DCAF6: variants seen among roughly 807,000 people sequenced by gnomAD.
DCAF6 encodes DDB1 and CUL4 associated factor 6, also known as DDB1- and CUL4-associated factor 6.
In DCAF6, 54 loss-of-function variants were observed where a neutral mutation model predicts 125.1. The ratio of observed to expected loss-of-function variants is 0.43; its 90% CI spans 0.35 to 0.54. DCAF6 has a LOEUF of 0.54. Ranked by LOEUF, DCAF6 falls within the 20% of genes least tolerant of loss-of-function variation. The probability of loss-of-function intolerance (pLI) is 0.01; values close to 1 mark genes in which losing one functional copy is unlikely to be tolerated. For missense variants in DCAF6, 934 were observed against 1,161.7 expected, an observed-to-expected ratio of 0.80 and a Z score of 2.85; for synonymous variants, 371 against 390.4, an observed-to-expected ratio of 0.95 and a Z score of 0.58.
the DCAF6 span, chr1:167,883,309 A>AC: frequency 4.9e-6 from 5 of 1,023,992 alleles, no homozygotes; most frequent in East Asian, 1.2e-4. Flanking sequence ...AAGAGCTGGG[A>AC]TTACAGGCGT....
rs892658828 is a variant in DCAF6 at position 167,982,028 on chromosome 1, A to G, written c.439-5467A>G. On this transcript the variant is annotated intron_variant, in intron 4 of 21. Transcript: ENST00000367840. ...ATTCCTTTTTCTCTGCGGCCTCACC[A>G]GCAACTTTTGTTTCTTGACTTTTTA... Among the ~76,000 whole-genome samples the G allele has an allele frequency of 5.3e-5, 8 of 152,192 alleles. No individual in the cohort carries two copies. The South Asian group carries it at 8.3e-4, about 16-fold the overall frequency.
chr1:168,061,871 T>G (rs1691637433), intron 17 of DCAF6, among the ~76,000 whole-genome samples: 1 of 152,052 alleles, frequency 6.6e-6, no homozygotes, highest in Non-Finnish European at 1.5e-5. Flanking sequence ...AAGCAGAACA[T>G]TATGCACATA....
chr1:168,038,005 T>C (rs758680029), intron 12 of DCAF6, among the ~76,000 whole-genome samples: 6 of 152,192 alleles, frequency 3.9e-5, no homozygotes, highest in Non-Finnish European at 7.4e-5. Context: ...TTAGTTCTTA[T>C]TGATGCTCAA....
the DCAF6 span, among the ~76,000 whole-genome samples, chr1:167,873,531 C>T: frequency 6.6e-6 from 1 of 152,208 alleles, no homozygotes; most frequent in Non-Finnish European, 1.5e-5. Context: ...AAGGAAATTA[C>T]AAGTGCTACT....
chr1:167,928,647 CAT>C, the DCAF6 span, among the ~76,000 whole-genome samples: 23 of 152,296 alleles, frequency 1.5e-4, no homozygotes, highest in East Asian at 4.0e-3. Flanking sequence ...TACAATGTCA[CAT>C]GTGTCATTCT....
chr1:167,893,737 A>C, the DCAF6 span: 1 of 569,052 alleles, frequency 1.8e-6, no homozygotes, highest in Non-Finnish European at 3.2e-6. Flanking sequence ...TTTTTATTTT[A>C]ATGGAACATT....
chr1:167,917,584 C>A, the DCAF6 span: 4 of 130,656 alleles, frequency 3.1e-5, no homozygotes, highest in South Asian at 2.3e-4. Flanking sequence ...GGCCACAGAG[C>A]GAGACCCTGT....
the DCAF6 span, chr1:167,918,318 C>T: frequency 1.3e-6 from 2 of 1,564,944 alleles, no homozygotes; most frequent in African/African-American, 1.4e-5. Flanking sequence ...TGATCAGGAA[C>T]TCTTTTATTT....
the DCAF6 span, among the ~76,000 whole-genome samples, chr1:167,874,711 A>G: frequency 6.6e-6 from 1 of 152,226 alleles, no homozygotes; most frequent in Non-Finnish European, 1.5e-5. Flanking sequence ...ACTGGAAATA[A>G]CCCAAATGTT....
chr1:167,937,634 C>T (rs1671514346), intron 1 of DCAF6, among the ~76,000 whole-genome samples: 6 of 152,194 alleles, frequency 3.9e-5, no homozygotes. Context: ...TCACGTTCCT[C>T]TTCCCACCCC....
the DCAF6 span, among the ~76,000 whole-genome samples, chr1:167,907,958 G>C: frequency 5.3e-5 from 8 of 152,276 alleles, no homozygotes; most frequent in South Asian, 1.4e-3. Flanking sequence ...AGAAGACTTT[G>C]ATAAAGATAT....
At chr1:167,925,442 C>CGTATATATATATATATATATATAT in the DCAF6 span, among the ~76,000 whole-genome samples, 1 of 82,478 alleles carries the variant, frequency 1.2e-5, no homozygotes, top group African/African-American at 5.1e-5. Context: ...TACATATACA[C>CGTATATATATATATATATATATAT]ATATATATAT....
chr1:167,965,965 C>T (rs766153391), intron 2 of DCAF6, among the ~76,000 whole-genome samples: 5 of 152,230 alleles, frequency 3.3e-5, no homozygotes, highest in South Asian at 2.1e-4. Flanking sequence ...TCAGACTTAA[C>T]GCTTTCTGAA....
At chr1:168,005,406 T>C (rs1225297196) in intron 10 of DCAF6, among the ~76,000 whole-genome samples, 2 of 152,224 alleles carry the variant, frequency 1.3e-5, no homozygotes, top group South Asian at 4.1e-4. Flanking sequence ...TTCTCAGTAT[T>C]ATAAGTCTTT....
intron 12 of DCAF6, among the ~76,000 whole-genome samples, chr1:168,036,097 T>C (rs1229466850): frequency 6.6e-6 from 1 of 152,102 alleles, no homozygotes; most frequent in South Asian, 2.1e-4. Context: ...AAAAAAACTT[T>C]GTAGTAGATA....
chr1:168,055,906 C>A (rs1196798857), intron 17 of DCAF6: 37 of 1,531,646 alleles, frequency 2.4e-5, no homozygotes, highest in Non-Finnish European at 3.3e-5. Flanking sequence ...CATTTTCACT[C>A]CTCAATAGAT....
At chr1:167,986,196 T>C (rs2102977971) in intron 4 of DCAF6, among the ~76,000 whole-genome samples, 2 of 152,364 alleles carry the variant, frequency 1.3e-5, no homozygotes, top group South Asian at 4.1e-4. Flanking sequence ...TGTTTTTACA[T>C]GCCCCATGCA....
At chr1:167,998,016 A>T (rs1358490014) in intron 7 of DCAF6, among the ~76,000 whole-genome samples, 1 of 152,202 alleles carries the variant, frequency 6.6e-6, no homozygotes, top group African/African-American at 2.4e-5. Flanking sequence ...TTTGACAAAC[A>T]TGTAGAGAAA....
rs1335010870 is a variant in DCAF6, at chr1:167,941,534, GTA to G, written c.97+4533_97+4534del. 3.3e-5 allele frequency among the ~76,000 whole-genome samples: 5 copies of G among 152,246 alleles called. No individual in the cohort carries two copies. The East Asian group carries it at 9.6e-4, about 29-fold the overall frequency. Reference sequence around the variant, plus strand: ...AACGAAAATAAAGGATTCTCTAGGTGTATATATAAACCTTACTAGATGGGATG... The same window carrying G: ...AACGAAAATAAAGGATTCTCTAGGTGTATATAAACCTTACTAGATGGGATG... On this transcript the variant is annotated intron_variant, in intron 1 of 21. Coordinates refer to ENST00000367840, the MANE Select transcript of DCAF6 (RefSeq NM_001198956.2).
Sources: allele counts gnomAD v4.1 joint callset (sites outside exome capture counted in the v4.1 genomes callset), GRCh38; gene constraint gnomAD v4.1.1; transcripts MANE v1.5; gene names NCBI Gene and HGNC (gene_info 2026-07-23, HGNC 2026-07-21).